Variants in KMT5B observed in about 807,000 individuals in gnomAD.
KMT5B encodes the protein lysine methyltransferase 5B, also known as histone-lysine N-methyltransferase KMT5B.
Under a neutral mutation model 83.2 loss-of-function variants are expected in KMT5B, and 10 were observed. The observed-to-expected ratio is 0.12, with a 90% CI of 0.07 to 0.20. The LOEUF (loss-of-function observed/expected upper bound fraction) is 0.20, where lower values mean the gene tolerates loss of function less well. Ranked by LOEUF, KMT5B falls within the 10% of genes least tolerant of loss-of-function variation. The probability of loss-of-function intolerance (pLI) is 1.00; values close to 1 mark genes in which losing one functional copy is unlikely to be tolerated. For synonymous variants in KMT5B, 349 were observed against 388.8 expected (o/e 0.90, Z 1.20); for missense variants, 753 against 1,067.2 (o/e 0.71, Z 4.10).
intron 1 of KMT5B, among the ~76,000 whole-genome samples, chr11:68,210,202 T>C (rs1315315504): frequency 1.3e-5 from 2 of 151,890 alleles, no homozygotes; most frequent in African/African-American, 2.4e-5. Flanking sequence ...CTTATAGAAA[T>C]GCAACTGGCA....
Position 68,155,860 on chromosome 11 carries a change from C to T in KMT5B, c.*1828G>A, listed in dbSNP as rs951040731. ...AGGTCTACCACATGCTTTCCAAACG[C>T]CTGAGGAGTTCGACTGCACCACAAC... On this transcript the variant is annotated 3_prime_UTR_variant, in exon 11 of 11. Transcript: ENST00000304363. 2.6e-5 allele frequency: 4 copies of T among 152,128 alleles called. No individual in the cohort carries two copies. Among genetic ancestry groups the T allele is most frequent in the Non-Finnish European group, 5.9e-5 (4 of 68,050 alleles). 9.4% of individuals were successfully genotyped at this position (152,128 alleles called of 1,614,324 possible).
chr11:68,181,321 C>T (rs1047384991), intron 3 of KMT5B, among the ~76,000 whole-genome samples: 1 of 152,148 alleles, frequency 6.6e-6, no homozygotes, highest in East Asian at 1.9e-4. Flanking sequence ...GATCCACCCG[C>T]CTCGGCCTCC....
chr11:68,196,850 T>C (rs1237165561), intron 1 of KMT5B, among the ~76,000 whole-genome samples: 1 of 152,184 alleles, frequency 6.6e-6, no homozygotes, highest in Non-Finnish European at 1.5e-5. Flanking sequence ...TGGATAATCA[T>C]GGAACAATGT....
Position 68,208,137 on chromosome 11 carries a change from C to T in KMT5B, c.-77+5001G>A, listed in dbSNP as rs141270696. Among the ~76,000 whole-genome samples the T allele has an allele frequency of 1.8e-3, 274 of 151,026 alleles. 2 individuals carry two copies. The highest frequency in any genetic ancestry group is 6.6e-3 in the African/African-American group (271 of 41,244). On this transcript the variant is annotated intron_variant, in intron 1 of 10. Coordinates refer to ENST00000304363, the MANE Select transcript of KMT5B (RefSeq NM_017635.5). ...CAGGCGTGAGCCATCACGCCTGGCC[C>T]CAAACAAATTTTTAAACACACTTCG...
Position 68,158,326 on chromosome 11 carries a change from C to T in KMT5B, c.2020G>A (p.Gly674Ser), listed in dbSNP as rs758460246. The change falls in exon 11 of 11, where the codon GGT (glycine) becomes AGT (serine). Residue 674 changes from glycine to serine, a missense_variant. Transcript: ENST00000304363. ...SYTDCAPSPV[G>S]CSVVTSDSFK... Reference sequence around the variant, plus strand: ...CTATCTGATGTCACAACTGAACAACCGACGGGTGAAGGAGCACAGTCTGTG... The same window carrying T: ...CTATCTGATGTCACAACTGAACAACTGACGGGTGAAGGAGCACAGTCTGTG... The T allele has an allele frequency of 1.1e-5, 17 of 1,614,044 alleles. No homozygotes were observed. The highest frequency in any genetic ancestry group is 2.7e-5 in the African/African-American group (2 of 74,912).
intron 1 of KMT5B, among the ~76,000 whole-genome samples, chr11:68,198,442 CAAGACAAGACAAGACAA>C (rs1858990860): frequency 9.1e-4 from 1 of 1,104 alleles, no homozygotes; most frequent in Non-Finnish European, 1.6e-3. Flanking sequence ...GGAAAAAAGA[CAAGACAAGACAAGACAA>C]GACAAGACAA....
intron 1 of KMT5B, among the ~76,000 whole-genome samples, chr11:68,199,004 C>T (rs575199094): frequency 4.6e-5 from 7 of 152,336 alleles, no homozygotes; most frequent in Non-Finnish European, 8.8e-5. Flanking sequence ...GCTGGGATTA[C>T]AGGCGTGAGC....
rs1006886032 is a variant in KMT5B at position 68,165,675 on chromosome 11, C to A, written c.1174+1307G>T. 8.5e-6 allele frequency: 11 copies of A among 1,291,890 alleles called. No individual in the cohort carries two copies. The Admixed American group carries it at 1.4e-4, about 16-fold the overall frequency. 80.0% of individuals were successfully genotyped at this position (1,291,890 alleles called of 1,614,324 possible). On this transcript the variant is annotated intron_variant, in intron 10 of 10. Coordinates refer to ENST00000304363, the MANE Select transcript of KMT5B (RefSeq NM_017635.5). ...GTCTGCATTTATAAAATGGGCTTCA[C>A]AAGTCTCCAGTTTCACCAAGGAACC...
intron 9 of KMT5B, among the ~76,000 whole-genome samples, chr11:68,167,896 G>A (rs1369221277): frequency 6.6e-6 from 1 of 152,184 alleles, no homozygotes; most frequent in Non-Finnish European, 1.5e-5. Context: ...AGTGGGCCAG[G>A]CATGGTGGCT....
chr11:68,178,215 G>C (rs934256379), intron 4 of KMT5B, among the ~76,000 whole-genome samples: 1 of 152,198 alleles, frequency 6.6e-6, no homozygotes. Context: ...TTATACAAAA[G>C]TAAGTTATAG....
chr11:68,180,882 CAA>C (rs1483039226), intron 3 of KMT5B, among the ~76,000 whole-genome samples: 1 of 152,128 alleles, frequency 6.6e-6, no homozygotes. Flanking sequence ...TCATAATTGA[CAA>C]AAGTCAATTA....
chr11:68,185,778 T>C lies in KMT5B; in HGVS notation c.308+3A>G. The C allele has an allele frequency of 6.2e-7, 1 of 1,611,660 alleles. No individual in the cohort carries two copies. The highest frequency in any genetic ancestry group is 1.1e-5 in the South Asian group (1 of 90,696). ...TCCATTCAGGATAAAGACTGAAAAT[T>C]ACCTAGTATTCATTTTGTGTGTTTG... On this transcript the variant is annotated splice_donor_region_variant and intron_variant, in intron 3 of 10. Transcript: ENST00000304363.
intron 1 of KMT5B, among the ~76,000 whole-genome samples, chr11:68,191,825 T>C (rs1390909108): frequency 1.3e-5 from 2 of 152,222 alleles, no homozygotes; most frequent in African/African-American, 4.8e-5. Context: ...TCTACAATAG[T>C]ATACATGTAC....
intron 3 of KMT5B, among the ~76,000 whole-genome samples, chr11:68,183,952 G>A (rs1014043015): frequency 2.6e-5 from 4 of 152,106 alleles, no homozygotes; most frequent in East Asian, 1.9e-4. Flanking sequence ...GAGCCACTGC[G>A]CCCAGCCTGG....
intron 2 of KMT5B, chr11:68,189,698 C>T (rs1485364116): frequency 1.5e-5 from 6 of 387,882 alleles, no homozygotes; most frequent in Non-Finnish European, 2.7e-5. Context: ...GACAGAAAAG[C>T]ATGATTAAAA....
Position 68,185,769 on chromosome 11 carries a change from A to G in KMT5B, c.308+12T>C, listed in dbSNP as rs1857387472. On this transcript the variant is annotated intron_variant, in intron 3 of 10. Transcript: ENST00000304363. ...ATCATCTGTTCCATTCAGGATAAAG[A>G]CTGAAAATTACCTAGTATTCATTTT... 1.9e-6 allele frequency: 3 copies of G among 1,610,514 alleles called. No individual in the cohort carries two copies. The highest frequency in any genetic ancestry group is 1.1e-5 in the South Asian group (1 of 90,598).
intron 1 of KMT5B, among the ~76,000 whole-genome samples, chr11:68,203,004 C>T (rs974166553): frequency 1.3e-5 from 2 of 152,032 alleles, no homozygotes; most frequent in African/African-American, 2.4e-5. Context: ...TAGATGGAGT[C>T]TTGCTCTGTC....
chr11:68,157,854 G>C lies in KMT5B; in HGVS notation c.2492C>G (p.Ser831Cys). ...YEEESTDDSS[S>C]SEGDEEEDDY... Reference sequence around the variant, plus strand: ...ATCCTCCTCTTCATCGCCCTCAGAAGAGGAGGAATCATCTGTACTTTCTTC... The same window carrying C: ...ATCCTCCTCTTCATCGCCCTCAGAACAGGAGGAATCATCTGTACTTTCTTC... Residue 831 changes from serine to cysteine, a missense_variant, in exon 11 of 11, where the codon TCT (serine) becomes TGT (cysteine). By Grantham distance (112) the Ser-to-Cys change is moderately radical. Transcript: ENST00000304363. 6.2e-7 allele frequency: 1 copy of C among 1,613,964 alleles called. No individual in the cohort carries two copies. Among genetic ancestry groups the C allele is most frequent in the Non-Finnish European group, 8.5e-7 (1 of 1,179,946 alleles).
At chr11:68,161,053 A>C (rs1540209) in intron 10 of KMT5B, among the ~76,000 whole-genome samples, 100,935 of 152,038 alleles carry the variant, frequency 0.66, 34,077 homozygotes, top group East Asian at 0.89. Flanking sequence ...ACAGTTTGAA[A>C]CAAGAACATA....
Sources: allele counts gnomAD v4.1 joint callset (sites outside exome capture counted in the v4.1 genomes callset), GRCh38; gene constraint gnomAD v4.1.1; transcripts MANE v1.5; gene names NCBI Gene and HGNC (gene_info 2026-07-23, HGNC 2026-07-21).